RNF144A: variants seen among roughly 807,000 people sequenced by gnomAD.
The protein encoded by RNF144A is ring finger protein 144A.
Under a neutral mutation model 38.7 loss-of-function variants are expected in RNF144A, and 11 were observed. That is an observed-to-expected ratio of 0.28 (90% CI 0.18 to 0.47). The LOEUF (loss-of-function observed/expected upper bound fraction) is 0.47, where lower values mean the gene tolerates loss of function less well. RNF144A is among the 20% of genes least tolerant of loss of function. The pLI is 0.99. For missense variants in RNF144A, 316 were observed against 377.2 expected, an observed-to-expected ratio of 0.84 and a Z score of 1.34; for synonymous variants, 149 against 143.9, an observed-to-expected ratio of 1.04 and a Z score of -0.25.
chr2:7,049,122 G>A (rs1272746991), downstream of RNF144A, among the ~76,000 whole-genome samples: 2 of 152,228 alleles, frequency 1.3e-5, no homozygotes, highest in Non-Finnish European at 2.9e-5. Flanking sequence ...GAGGCTCCCT[G>A]TGCAAAGGTA....
rs1010296723 is a variant in RNF144A at position 7,039,344 on chromosome 2, A to G, written c.748-285A>G. ...TGGGTAGGTGGATGGATGGATAGAGAGATGTATGATGGTTAATGGATGAAT... is the reference window on the plus strand; with the variant it reads ...TGGGTAGGTGGATGGATGGATAGAGGGATGTATGATGGTTAATGGATGAAT... On this transcript the variant is annotated intron_variant, in intron 8 of 8. Transcript: ENST00000320892. 8.7e-5 allele frequency among the ~76,000 whole-genome samples: 13 copies of G among 149,638 alleles called. No individual in the cohort carries two copies. The South Asian group carries it at 2.6e-3, about 30-fold the overall frequency.
At chr2:6,965,406 C>CA (rs1667599702) in intron 2 of RNF144A, among the ~76,000 whole-genome samples, 1 of 152,174 alleles carries the variant, frequency 6.6e-6, no homozygotes, top group Non-Finnish European at 1.5e-5. Flanking sequence ...AGCACCAGAC[C>CA]CCTCCCGTGT....
intron 2 of RNF144A, among the ~76,000 whole-genome samples, chr2:6,965,810 T>C (rs1667633892): frequency 6.6e-6 from 1 of 152,214 alleles, no homozygotes; most frequent in African/African-American, 2.4e-5. Flanking sequence ...CTATGCTGTT[T>C]GTATTTGGTG....
downstream of RNF144A, among the ~76,000 whole-genome samples, chr2:7,048,250 C>G (rs767736258): frequency 2.0e-5 from 3 of 152,140 alleles, no homozygotes; most frequent in Non-Finnish European, 4.4e-5. Flanking sequence ...TTCAGATAAT[C>G]GCATACACAA....
rs377298779 is a variant in RNF144A, at chr2:6,997,024, C to T, written c.98C>T (p.Thr33Ile). Residue 33 changes from threonine to isoleucine, a missense_variant, in exon 3 of 9, where the codon ACA (threonine) becomes ATA (isoleucine). Transcript: ENST00000320892. ...GGGGAGTACCCAGTGGAGCAGATGA[C>T]AACCATAGCCCAGTGCCAATGCATC... ...CLGEYPVEQM[T>I]TIAQCQCIFC... The T allele has an allele frequency of 1.2e-6, 2 of 1,614,078 alleles. No homozygotes were observed. The highest frequency in any genetic ancestry group is 8.5e-7 in the Non-Finnish European group (1 of 1,179,996).
rs758475055 is a variant in RNF144A at position 7,030,117 on chromosome 2, C to CTCTGTCTCTGTCTCTGCAT, written c.658-9_658-8insTCTGTCTCTGTCTCTGCAT. 1 of 1,605,324 alleles carries CTCTGTCTCTGTCTCTGCAT rather than the reference C, an allele frequency of 6.2e-7. No homozygotes were observed. Among genetic ancestry groups the CTCTGTCTCTGTCTCTGCAT allele is most frequent in the Non-Finnish European group, 8.5e-7 (1 of 1,172,000 alleles). On this transcript the variant is annotated splice_polypyrimidine_tract_variant and intron_variant, in intron 7 of 8. Transcript: ENST00000320892. ...TCGTTCATGCCGTCTCTGTCTCTGC[C>CTCTGTCTCTGTCTCTGCAT]CCTCACAGGATGATTTCCTTCTGAT...
intron 2 of RNF144A, among the ~76,000 whole-genome samples, chr2:6,991,362 C>T (rs1358618042): frequency 6.6e-6 from 1 of 152,216 alleles, no homozygotes; most frequent in Non-Finnish European, 1.5e-5. Flanking sequence ...CCAATCTCTG[C>T]TGCTGCTGAC....
chr2:6,926,314 G>A (rs1208431625), intron 1 of RNF144A, among the ~76,000 whole-genome samples: 1 of 152,254 alleles, frequency 6.6e-6, no homozygotes, highest in African/African-American at 2.4e-5. Flanking sequence ...CAGTGCCAGA[G>A]CTGGGCTGCG....
At chr2:7,060,630 C>T (rs1022369487) in intron 6 of RNF144A, among the ~76,000 whole-genome samples, 3 of 152,190 alleles carry the variant, frequency 2.0e-5, no homozygotes, top group Admixed American at 6.5e-5. Context: ...ATGTTCCCAG[C>T]TCGTTGTCCC....
At chr2:6,942,231 G>C (rs1666040934) in intron 2 of RNF144A, among the ~76,000 whole-genome samples, 1 of 151,880 alleles carries the variant, frequency 6.6e-6, no homozygotes, top group South Asian at 2.1e-4. Context: ...AGAGGGTAGA[G>C]GACAAGGCTA....
intron 6 of RNF144A, among the ~76,000 whole-genome samples, chr2:7,059,164 A>G (rs908695052): frequency 3.0e-4 from 45 of 151,998 alleles, no homozygotes; most frequent in Non-Finnish European, 5.1e-4. Context: ...TGGCTAACAC[A>G]GTGTAACCCC....
chr2:6,938,235 T>C (rs771303), intron 1 of RNF144A, among the ~76,000 whole-genome samples: 93,864 of 116,116 alleles, frequency 0.81, 38,539 homozygotes, highest in Non-Finnish European at 0.91. Context: ...CCCCTCCCCC[T>C]CTCCCCTCCC....
chr2:6,934,996 G>A (rs1665475540), intron 1 of RNF144A, among the ~76,000 whole-genome samples: 1 of 152,216 alleles, frequency 6.6e-6, no homozygotes, highest in African/African-American at 2.4e-5. Context: ...TGGAGTGGAT[G>A]CTGTCTGTGC....
chr2:7,027,997 G>A (rs1367526112), intron 7 of RNF144A, among the ~76,000 whole-genome samples: 2 of 151,536 alleles, frequency 1.3e-5, no homozygotes, highest in African/African-American at 4.9e-5. Context: ...CGGGGTGGGA[G>A]GGTGAAGTTC....
chr2:7,045,804 C>T (rs747552421), downstream of RNF144A, among the ~76,000 whole-genome samples: 1 of 152,118 alleles, frequency 6.6e-6, no homozygotes, highest in Non-Finnish European at 1.5e-5. Flanking sequence ...GGCGGGGCTC[C>T]GTTGCCGGTG....
At chr2:6,937,839 A>C (rs950611395) in intron 1 of RNF144A, among the ~76,000 whole-genome samples, 2 of 152,184 alleles carry the variant, frequency 1.3e-5, no homozygotes, top group Non-Finnish European at 2.9e-5. Context: ...TGTTGCAAAA[A>C]AATTAGCATC....
intron 2 of RNF144A, among the ~76,000 whole-genome samples, chr2:6,983,199 C>A (rs1229965446): frequency 6.6e-6 from 1 of 152,194 alleles, no homozygotes; most frequent in African/African-American, 2.4e-5. Flanking sequence ...AGTCTCCTTC[C>A]TTGTGTGAGC....
chr2:6,935,232 TA>T (rs1363829726), intron 1 of RNF144A, among the ~76,000 whole-genome samples: 2 of 152,252 alleles, frequency 1.3e-5, no homozygotes, highest in African/African-American at 4.8e-5. Flanking sequence ...AACATCTGCA[TA>T]GCGGGCCATT....
Position 7,029,723 on chromosome 2 carries a change from C to T in RNF144A, c.658-403C>T, listed in dbSNP as rs552814381. ...AGAGGGACTCTGGTGGAGTCACACA[C>T]AGCCGGAGCCAGCAGGAGCTCTTTG... On this transcript the variant is annotated intron_variant, in intron 7 of 8. Coordinates refer to ENST00000320892, the MANE Select transcript of RNF144A (RefSeq NM_014746.6). Among the ~76,000 whole-genome samples the T allele has an allele frequency of 2.6e-5, 4 of 152,378 alleles. No individual in the cohort carries two copies. In the East Asian group the frequency reaches 7.7e-4, roughly 29 times the overall value.
Sources: allele counts gnomAD v4.1 joint callset (sites outside exome capture counted in the v4.1 genomes callset), GRCh38; gene constraint gnomAD v4.1.1; transcripts MANE v1.5; gene names NCBI Gene and HGNC (gene_info 2026-07-23, HGNC 2026-07-21).